Variants in PIGL observed in about 807,000 individuals in gnomAD.
PIGL encodes the protein phosphatidylinositol glycan anchor biosynthesis class L.
In PIGL, 22 loss-of-function variants were observed where a neutral mutation model predicts 31.1. The observed-to-expected ratio is 0.71, with a 90% CI of 0.51 to 1.01. The LOEUF is 1.01. PIGL is among the 50% of genes least tolerant of loss of function. The pLI, the probability that PIGL is intolerant of heterozygous loss-of-function variation, is 0.00. For synonymous variants in PIGL, 131 were observed against 117.4 expected (o/e 1.12, Z -0.75); for missense variants, 302 against 315.9 (o/e 0.96, Z 0.33).
chr17:16,266,997 A>C (rs1202553622), intron 2 of PIGL, among the ~76,000 whole-genome samples: 2 of 151,392 alleles, frequency 1.3e-5, no homozygotes, highest in African/African-American at 4.9e-5. Context: ...AATTCCTTTT[A>C]ATTGTTTTTA....
chr17:16,262,767 T>A (rs1007299694), intron 2 of PIGL, among the ~76,000 whole-genome samples: 1 of 152,214 alleles, frequency 6.6e-6, no homozygotes, highest in African/African-American at 2.4e-5. Context: ...TGTATATGAA[T>A]GTTCATAGCA....
chr17:16,303,720 T>A (rs1055164235), intron 3 of PIGL, among the ~76,000 whole-genome samples: 2 of 150,836 alleles, frequency 1.3e-5, no homozygotes, highest in Non-Finnish European at 2.9e-5. Flanking sequence ...TGTATTTTTT[T>A]TTTTCTTTTT....
Position 16,219,065 on chromosome 17 carries a change from A to ATT in PIGL, c.235+1622_235+1623dup, listed in dbSNP as rs766541353. ...TAGCATTGACTGACATTTTTTATAAATTTTTTTTTTTTTTTTTTTGAGACG... is the reference window on the plus strand; with the variant it reads ...TAGCATTGACTGACATTTTTTATAAATTTTTTTTTTTTTTTTTTTTTGAGACG... On this transcript the variant is annotated intron_variant, in intron 1 of 6. Coordinates refer to ENST00000225609, the MANE Select transcript of PIGL (RefSeq NM_004278.4). 8.9e-4 allele frequency among the ~76,000 whole-genome samples: 73 copies of ATT among 81,632 alleles called. 6 individuals are homozygous for ATT. The Middle Eastern group carries it at 0.025, about 28-fold the overall frequency. The allele number at this position is 81,632 out of a possible 152,430, so 53.6% of individuals were successfully genotyped here.
rs543822695 is a variant in PIGL at position 16,267,550 on chromosome 17, T to G, written c.336-32338T>G. On this transcript the variant is annotated intron_variant, in intron 2 of 6. Transcript: ENST00000225609. ...AGCCATTAGGTCTCAGAAATTAGCC[T>G]GAATTTAGCCAGACATAGTAGCACA... 4.2e-4 allele frequency among the ~76,000 whole-genome samples: 64 copies of G among 152,098 alleles called. No homozygotes were observed. In the South Asian group the frequency reaches 0.013, roughly 31 times the overall value.
intron 3 of PIGL, among the ~76,000 whole-genome samples, chr17:16,309,400 C>T (rs962254556): frequency 2.6e-5 from 4 of 152,224 alleles, no homozygotes; most frequent in East Asian, 3.8e-4. Context: ...TGAAAAGCAT[C>T]GTTTTTGAAT....
chr17:16,296,714 T>C (rs1363148521), intron 2 of PIGL, among the ~76,000 whole-genome samples: 1 of 151,578 alleles, frequency 6.6e-6, no homozygotes, highest in Non-Finnish European at 1.5e-5. Context: ...ACACTTTTGA[T>C]GTTTACACAT....
intron 1 of PIGL, 163 bp downstream of exon 1, chr17:16,217,624 G>GCCGA: frequency 1.8e-6 from 1 of 556,096 alleles, no homozygotes; most frequent in South Asian, 2.8e-5. Context: ...AGGAGCGGCC[G>GCCGA]GCTTACCTGG....
intron 6 of PIGL, among the ~76,000 whole-genome samples, chr17:16,322,391 A>G (rs2093109985): frequency 6.6e-6 from 1 of 152,116 alleles, no homozygotes; most frequent in African/African-American, 2.4e-5. Flanking sequence ...CACCGCACCC[A>G]GCCTGTTCTT....
chr17:16,311,561 C>G (rs2093050631), intron 3 of PIGL, among the ~76,000 whole-genome samples: 1 of 141,894 alleles, frequency 7.0e-6, no homozygotes, highest in African/African-American at 2.7e-5. Flanking sequence ...AGCAGATAAA[C>G]AAGTGAACAA....
intron 2 of PIGL, among the ~76,000 whole-genome samples, chr17:16,265,610 C>T (rs190333514): frequency 1.2e-4 from 18 of 152,024 alleles, no homozygotes; most frequent in African/African-American, 3.6e-4. Flanking sequence ...AATCGTGGCA[C>T]GTGCCTGTAG....
chr17:16,263,672 A>G (rs970029755), intron 2 of PIGL, among the ~76,000 whole-genome samples: 1 of 146,952 alleles, frequency 6.8e-6, no homozygotes, highest in African/African-American at 2.5e-5. Context: ...TACAGTGTGC[A>G]CCACCACGCC....
chr17:16,314,834 A>G (rs1236272311), intron 4 of PIGL, among the ~76,000 whole-genome samples: 1 of 152,178 alleles, frequency 6.6e-6, no homozygotes, highest in African/African-American at 2.4e-5. Flanking sequence ...GGTCTTTCCA[A>G]CCACATGGTT....
At chr17:16,283,884 C>G (rs1384786899) in intron 2 of PIGL, 1 of 152,190 alleles carries the variant, frequency 6.6e-6, no homozygotes, top group Non-Finnish European at 1.5e-5. Context: ...GGTCTGTCAG[C>G]ATTGCCTCAT....
In PIGL at chr17:16,283,151, C is replaced by G. The variant is rs982890741; in HGVS notation, c.336-16737C>G. Among the ~76,000 whole-genome samples, 3 of 152,152 alleles carry G rather than the reference C, an allele frequency of 2.0e-5. No homozygotes were observed. The South Asian group carries it at 6.2e-4, about 32-fold the overall frequency. ...CCGAGTAGCTGGGATTACAGTCACA[C>G]ATCACCATGCCCAGCTAATTTTTGT... On this transcript the variant is annotated intron_variant, in intron 2 of 6. Transcript: ENST00000225609.
intron 1 of PIGL, among the ~76,000 whole-genome samples, chr17:16,229,858 A>ATTTTTTTTTTTTTTTTT (rs71150280): frequency 1.0e-5 from 1 of 97,700 alleles, no homozygotes; most frequent in Non-Finnish European, 1.8e-5. Context: ...TAAAGTCATG[A>ATTTTTTTTTTTTTTTTT]TTTTTTTTTT....
intron 2 of PIGL, among the ~76,000 whole-genome samples, chr17:16,267,036 AGGGTTAG>A (rs2142761443): frequency 6.6e-6 from 1 of 152,108 alleles, no homozygotes; most frequent in South Asian, 2.1e-4. Flanking sequence ...GAACAATGAG[AGGGTTAG>A]GGTGCCAACT....
chr17:16,302,656 G>T (rs1324007533), intron 3 of PIGL, among the ~76,000 whole-genome samples: 1 of 152,024 alleles, frequency 6.6e-6, no homozygotes, highest in African/African-American at 2.4e-5. Context: ...CTGGAATGCA[G>T]TGGCGCGATC....
intron 2 of PIGL, among the ~76,000 whole-genome samples, chr17:16,258,425 G>A (rs926284897): frequency 4.0e-5 from 6 of 151,364 alleles, no homozygotes; most frequent in Middle Eastern, 3.4e-3. Flanking sequence ...TGATCTGCCC[G>A]CCTCGGCCTC....
At chr17:16,243,007 AC>A (rs2092729568) in intron 2 of PIGL, among the ~76,000 whole-genome samples, 1 of 152,168 alleles carries the variant, frequency 6.6e-6, no homozygotes, top group African/African-American at 2.4e-5. Flanking sequence ...TTGATTGACA[AC>A]ATATCCAGTG....
Sources: allele counts gnomAD v4.1 joint callset (sites outside exome capture counted in the v4.1 genomes callset), GRCh38; gene constraint gnomAD v4.1.1; transcripts MANE v1.5; gene names NCBI Gene and HGNC (gene_info 2026-07-23, HGNC 2026-07-21).